CFAP61: variants seen among roughly 807,000 people sequenced by gnomAD.
CFAP61 encodes the protein cilia and flagella associated protein 61, also known as cilia- and flagella-associated protein 61.
In CFAP61, 107 loss-of-function variants were observed where a neutral mutation model predicts 135.6. The ratio of observed to expected loss-of-function variants is 0.79; its 90% CI spans 0.67 to 0.93. CFAP61 has a LOEUF of 0.93. Among genes scored for constraint, CFAP61 ranks in the 40% least tolerant of loss-of-function variants. CFAP61 has a pLI of 0.00. For missense variants in CFAP61, 1,507 were observed against 1,556.2 expected, an observed-to-expected ratio of 0.97 and a Z score of 0.53; for synonymous variants, 575 against 578.5, an observed-to-expected ratio of 0.99 and a Z score of 0.09.
At chr20:20,312,939 G>A (rs891891188) in intron 25 of CFAP61, among the ~76,000 whole-genome samples, 1 of 152,114 alleles carries the variant, frequency 6.6e-6, no homozygotes, top group African/African-American at 2.4e-5. Flanking sequence ...GAGTTATTCT[G>A]TATCTCATTA....
chr20:20,316,601 C>T (rs1421172768), intron 25 of CFAP61, among the ~76,000 whole-genome samples: 1 of 151,718 alleles, frequency 6.6e-6, no homozygotes, highest in Non-Finnish European at 1.5e-5. Context: ...TGAGAGAGGG[C>T]ATCCCTGTCT....
Position 20,119,618 on chromosome 20 carries a change from T to TC in CFAP61, c.859+20804_859+20805insC, listed in dbSNP as rs2049452788. 3.3e-5 allele frequency among the ~76,000 whole-genome samples: 5 copies of TC among 151,706 alleles called. No homozygotes were observed. In the South Asian group the frequency reaches 1.0e-3, roughly 32 times the overall value. On this transcript the variant is annotated intron_variant, in intron 8 of 26. Coordinates refer to ENST00000245957, the MANE Select transcript of CFAP61 (RefSeq NM_015585.4). The stretch of plus-strand genomic sequence containing the variant: ...ATTTCATTTATTTCTACTCTGATCT[T>TC]TGTTTTGGCTATGAAGAAATGATTT...
rs543870089 is a variant in CFAP61 at position 20,167,919 on chromosome 20, G to T, written c.1246-1402G>T. 5.3e-5 allele frequency among the ~76,000 whole-genome samples: 8 copies of T among 152,312 alleles called. No individual in the cohort carries two copies. In the East Asian group the frequency reaches 1.5e-3, roughly 29 times the overall value. ...CTGCTTCTGCAGGGACCTGGCAGAG[G>T]ATCAGGCAGCTGCGTGAAGCTCAGA... On this transcript the variant is annotated intron_variant, in intron 12 of 26. Coordinates refer to ENST00000245957, the MANE Select transcript of CFAP61 (RefSeq NM_015585.4).
chr20:20,314,542 T>A (rs1024366790), intron 25 of CFAP61, among the ~76,000 whole-genome samples: 7 of 148,390 alleles, frequency 4.7e-5, no homozygotes, highest in Non-Finnish European at 7.4e-5. Flanking sequence ...TTATTTTTTT[T>A]ATTATTATTA....
chr20:20,297,353 T>C (rs1006722939), intron 24 of CFAP61, among the ~76,000 whole-genome samples: 3 of 152,088 alleles, frequency 2.0e-5, no homozygotes, highest in African/African-American at 7.2e-5. Context: ...CAAAGAACAT[T>C]TATTGAGCGT....
intron 13 of CFAP61, among the ~76,000 whole-genome samples, chr20:20,175,443 G>C (rs6136958): frequency 0.9 from 137,200 of 151,958 alleles, 62,762 homozygotes; most frequent in Middle Eastern, 0.99. Context: ...TTTCATGCAC[G>C]TTAAAAGTTT....
At chr20:20,095,025 A>T (rs2047466225) in intron 7 of CFAP61, among the ~76,000 whole-genome samples, 1 of 152,198 alleles carries the variant, frequency 6.6e-6, no homozygotes, top group South Asian at 2.1e-4. Context: ...AAATTAAATT[A>T]TAGAAACCTA....
intron 22 of CFAP61, among the ~76,000 whole-genome samples, chr20:20,288,154 A>G (rs1013777406): frequency 2.6e-5 from 4 of 152,174 alleles, no homozygotes; most frequent in African/African-American, 7.2e-5. Flanking sequence ...AAAGCTAGCA[A>G]TGGGCAGTCT....
chr20:20,170,319 T>A (rs550023564), intron 13 of CFAP61, among the ~76,000 whole-genome samples: 184 of 152,310 alleles, frequency 1.2e-3, no homozygotes, highest in African/African-American at 4.3e-3. Flanking sequence ...TTTATTAAAA[T>A]GTAACTGACC....
chr20:20,342,799 T>C (rs1031303886), intron 26 of CFAP61, among the ~76,000 whole-genome samples: 7 of 152,194 alleles, frequency 4.6e-5, no homozygotes, highest in Admixed American at 3.3e-4. Flanking sequence ...GCCACTGTTA[T>C]CATCTTGACT....
chr20:20,177,681 C>T (rs1271554611), intron 13 of CFAP61, among the ~76,000 whole-genome samples: 1 of 150,196 alleles, frequency 6.7e-6, no homozygotes, highest in Admixed American at 6.7e-5. Flanking sequence ...TCACGGGGGG[C>T]CTGCATTCTA....
chr20:20,249,466 G>A (rs6136972), intron 19 of CFAP61, among the ~76,000 whole-genome samples: 10,158 of 152,196 alleles, frequency 0.067, 1,136 homozygotes, highest in East Asian at 0.53. Flanking sequence ...TTGGGCCCAG[G>A]AGGTCAAGGC....
At chr20:20,191,815 G>A (rs947279228) in intron 15 of CFAP61, among the ~76,000 whole-genome samples, 2 of 151,892 alleles carry the variant, frequency 1.3e-5, no homozygotes, top group African/African-American at 4.8e-5. Flanking sequence ...AAATGGAAAT[G>A]CCATTTTATT....
At chr20:20,304,538 C>T (rs2056339718) in intron 25 of CFAP61, among the ~76,000 whole-genome samples, 1 of 151,596 alleles carries the variant, frequency 6.6e-6, no homozygotes, top group African/African-American at 2.4e-5. Context: ...CACTCATGCA[C>T]ACTCACACGG....
chr20:20,155,544 T>A (rs979840929), intron 9 of CFAP61, among the ~76,000 whole-genome samples: 1 of 152,092 alleles, frequency 6.6e-6, no homozygotes, highest in African/African-American at 2.4e-5. Context: ...GTATCCAGAA[T>A]CTACAAAGAA....
In CFAP61 at chr20:20,251,576, G is replaced by A. The variant is rs751376184; in HGVS notation, c.2160-19G>A. ...TGTCAGCTGCTCAGATGTCACTTACGGAGCTTCTCTCTTTGCAGCCACTGT... is the reference window on the plus strand; with the variant it reads ...TGTCAGCTGCTCAGATGTCACTTACAGAGCTTCTCTCTTTGCAGCCACTGT... On this transcript the variant is annotated intron_variant, in intron 19 of 26. Coordinates refer to ENST00000245957, the MANE Select transcript of CFAP61 (RefSeq NM_015585.4). 28 of 1,612,146 alleles carry A rather than the reference G, an allele frequency of 1.7e-5. No individual in the cohort carries two copies. The highest frequency in any genetic ancestry group is 1.1e-4 in the East Asian group (5 of 44,852).
At chr20:20,169,940 A>G (rs2146823461) in intron 13 of CFAP61, among the ~76,000 whole-genome samples, 1 of 152,362 alleles carries the variant, frequency 6.6e-6, no homozygotes, top group Non-Finnish European at 1.5e-5. Context: ...GTTAAATGTA[A>G]GTATTGAAAA....
chr20:20,288,041 G>A (rs954607194), intron 22 of CFAP61, among the ~76,000 whole-genome samples: 2 of 152,174 alleles, frequency 1.3e-5, no homozygotes, highest in Non-Finnish European at 2.9e-5. Flanking sequence ...TCGTATGAGA[G>A]CAGGAAGCAA....
chr20:20,102,415 C>T (rs967919496), intron 8 of CFAP61, among the ~76,000 whole-genome samples: 1 of 152,166 alleles, frequency 6.6e-6, no homozygotes. Flanking sequence ...GGCTGGTTTC[C>T]CAGAGTTCCC....
Sources: allele counts gnomAD v4.1 joint callset (sites outside exome capture counted in the v4.1 genomes callset), GRCh38; gene constraint gnomAD v4.1.1; transcripts MANE v1.5; gene names NCBI Gene and HGNC (gene_info 2026-07-23, HGNC 2026-07-21).